WDR70: variants seen among roughly 807,000 people sequenced by gnomAD.
The protein encoded by WDR70 is WD repeat domain 70.
WDR70 carries 53 observed loss-of-function variants against 88.6 expected under a neutral mutation model. That is an observed-to-expected ratio of 0.60 (90% CI 0.48 to 0.75). WDR70 has a LOEUF of 0.75. Ranked by LOEUF, WDR70 falls within the 30% of genes least tolerant of loss-of-function variation. WDR70 has a pLI of 0.00. For missense variants in WDR70, 610 were observed against 823.2 expected (o/e 0.74, Z 3.17); for synonymous variants, 280 against 270.0 (o/e 1.04, Z -0.36).
intron 9 of WDR70, among the ~76,000 whole-genome samples, chr5:37,602,636 AAAAAAAAAAGG>A (rs1200391078): frequency 6.7e-6 from 1 of 148,208 alleles, no homozygotes; most frequent in Non-Finnish European, 1.5e-5. Context: ...AAAAAAAAAG[AAAAAAAAAAGG>A]AAAGAAAACT....
intron 10 of WDR70, among the ~76,000 whole-genome samples, chr5:37,669,401 A>T (rs9292666): frequency 0.067 from 2,089 of 31,038 alleles, 63 homozygotes; most frequent in African/African-American, 0.31. Flanking sequence ...TCTTTTTTTT[A>T]AAAAAAAAAA....
chr5:37,620,156 G>A lies in WDR70; in HGVS notation c.1092+14918G>A, dbSNP rs143853953. On this transcript the variant is annotated intron_variant, in intron 10 of 17. Transcript: ENST00000265107. ...AGCTTTAGCCAACAAAGTAATGCAAGGATCAAATCTTAATTCAGATATAAT... is the reference window on the plus strand; with the variant it reads ...AGCTTTAGCCAACAAAGTAATGCAAAGATCAAATCTTAATTCAGATATAAT... The A allele has an allele frequency of 1.9e-3, 292 of 151,970 alleles. 1 individual carries two copies. The highest frequency in any genetic ancestry group is 6.7e-3 in the African/African-American group (277 of 41,448). The allele number at this position is 151,970 out of a possible 1,614,324, so 9.4% of individuals were successfully genotyped here.
intron 3 of WDR70, among the ~76,000 whole-genome samples, chr5:37,389,115 T>C (rs1411842934): frequency 7.0e-6 from 1 of 142,826 alleles, no homozygotes; most frequent in Non-Finnish European, 1.5e-5. Context: ...TTCGTGGAGA[T>C]GGAGTCTCAC....
At chr5:37,476,552 C>T (rs1739491352) in intron 7 of WDR70, among the ~76,000 whole-genome samples, 1 of 39,070 alleles carries the variant, frequency 2.6e-5, no homozygotes, top group Admixed American at 5.1e-4. Context: ...CTTTTTTCTT[C>T]TTCTTTTTTT....
At chr5:37,589,382 A>G (rs937402003) in intron 9 of WDR70, among the ~76,000 whole-genome samples, 2 of 151,932 alleles carry the variant, frequency 1.3e-5, no homozygotes. Context: ...TGTATATCCT[A>G]TTTGAATACC....
intron 10 of WDR70, among the ~76,000 whole-genome samples, chr5:37,631,636 A>T (rs1418727713): frequency 6.6e-6 from 1 of 152,180 alleles, no homozygotes; most frequent in Non-Finnish European, 1.5e-5. Context: ...AGGCAGGTAG[A>T]TCTGGGATTT....
chr5:37,446,558 A>T (rs1344460001), intron 7 of WDR70, among the ~76,000 whole-genome samples: 2 of 152,260 alleles, frequency 1.3e-5, no homozygotes, highest in Non-Finnish European at 2.9e-5. Flanking sequence ...GGCTACAGGA[A>T]CCAAAACGGC....
chr5:37,693,152 C>A (rs1746862547), intron 10 of WDR70, among the ~76,000 whole-genome samples: 1 of 152,128 alleles, frequency 6.6e-6, no homozygotes, highest in Non-Finnish European at 1.5e-5. Flanking sequence ...ATCCAACTTA[C>A]AAGGGATGTG....
intron 9 of WDR70, among the ~76,000 whole-genome samples, chr5:37,525,347 C>T (rs202058893): frequency 6.6e-6 from 1 of 152,136 alleles, no homozygotes; most frequent in African/African-American, 2.4e-5. Context: ...GCTCAACTAC[C>T]TGGAAACTGA....
intron 17 of WDR70, among the ~76,000 whole-genome samples, chr5:37,740,804 A>C (rs1261233468): frequency 6.6e-6 from 1 of 152,182 alleles, no homozygotes; most frequent in African/African-American, 2.4e-5. Flanking sequence ...AGTTTGTTAA[A>C]AATACAAATT....
intron 9 of WDR70, among the ~76,000 whole-genome samples, chr5:37,531,587 CTTTTT>C (rs149831770): frequency 0.14 from 10,817 of 77,378 alleles, 531 homozygotes; most frequent in African/African-American, 0.34. Flanking sequence ...TAAAGTTTTT[CTTTTT>C]TTTTTTTTTT....
At chr5:37,585,247 C>T (rs1307672920) in intron 9 of WDR70, among the ~76,000 whole-genome samples, 5 of 152,122 alleles carry the variant, frequency 3.3e-5, no homozygotes, top group African/African-American at 1.2e-4. Context: ...GCCTCAGCCT[C>T]CCAAAGTGCT....
In WDR70 at chr5:37,564,332, C is replaced by T. The variant is rs1298819060; in HGVS notation, c.918-40732C>T. Among the ~76,000 whole-genome samples the T allele has an allele frequency of 3.9e-5, 6 of 152,222 alleles. No homozygotes were observed. In the East Asian group the frequency reaches 5.8e-4, roughly 15 times the overall value. On this transcript the variant is annotated intron_variant, in intron 9 of 17. Coordinates refer to ENST00000265107, the MANE Select transcript of WDR70 (RefSeq NM_018034.4). Reference sequence around the variant, plus strand: ...CGTGGTTAGGAGCTGGAGACCAGCCCGGCCAACACAGCGAAACCCCGTCTC... The same window carrying T: ...CGTGGTTAGGAGCTGGAGACCAGCCTGGCCAACACAGCGAAACCCCGTCTC...
At chr5:37,454,069 T>C (rs1423768404) in intron 7 of WDR70, among the ~76,000 whole-genome samples, 1 of 152,232 alleles carries the variant, frequency 6.6e-6, no homozygotes, top group Non-Finnish European at 1.5e-5. Context: ...AGTCATACAA[T>C]AGTAGTGTTT....
chr5:37,736,892 C>G (rs546111958), intron 17 of WDR70, among the ~76,000 whole-genome samples: 62 of 152,008 alleles, frequency 4.1e-4, no homozygotes, highest in African/African-American at 1.4e-3. Flanking sequence ...TGAAAACAAG[C>G]AACAAATTAT....
chr5:37,521,001 T>C (rs1355836590), intron 9 of WDR70, among the ~76,000 whole-genome samples: 1 of 151,706 alleles, frequency 6.6e-6, no homozygotes, highest in African/African-American at 2.4e-5. Flanking sequence ...GCTATTCTGG[T>C]TAAAACTTAA....
intron 4 of WDR70, among the ~76,000 whole-genome samples, chr5:37,392,652 T>C (rs1164371966): frequency 2.0e-5 from 3 of 151,966 alleles, no homozygotes; most frequent in African/African-American, 7.3e-5. Flanking sequence ...CCTCCAGTTA[T>C]TACTTTTTTT....
In WDR70 at chr5:37,721,190, T is replaced by C; in HGVS notation, c.1492T>C (p.Tyr498His). The C allele has an allele frequency of 6.2e-7, 1 of 1,613,718 alleles. No individual in the cohort carries two copies. The highest frequency in any genetic ancestry group is 1.1e-5 in the South Asian group (1 of 91,082). ...VGTGNGLAKV[Y>H]YDPNKSQRGA... ...AACTGGAAATGGATTGGCTAAAGTC[T>C]ATTACGACCCCAACAAGAGTCAGAG... Residue 498 changes from tyrosine (Y) to histidine (H), a missense_variant, in exon 14 of 18, where the codon TAT (tyrosine) becomes CAT (histidine). By Grantham distance (83) the Tyr-to-His change is moderately conservative. Transcript: ENST00000265107.
At chr5:37,660,903 A>T (rs1745685292) in intron 10 of WDR70, among the ~76,000 whole-genome samples, 1 of 152,220 alleles carries the variant, frequency 6.6e-6, no homozygotes, top group Non-Finnish European at 1.5e-5. Context: ...AGGCCAACAA[A>T]TTTAAAAATA....
Sources: gnomAD v4.1 joint callset for allele counts (sites outside exome capture counted in the v4.1 genomes callset) on GRCh38, gnomAD v4.1.1 for gene constraint, MANE v1.5 for transcripts, NCBI Gene and HGNC (gene_info 2026-07-23, HGNC 2026-07-21) for gene names.